Variants in FAM90A20 observed in about 807,000 individuals in gnomAD.
FAM90A20 encodes family with sequence similarity 90 member A20.
chr8:7,297,376 C>T, the FAM90A20 span: 148 of 1,498,432 alleles, frequency 9.9e-5, 10 homozygotes, highest in South Asian at 2.6e-4. Flanking sequence ...AAACCCACGG[C>T]CTGCTCCAGG....
At chr8:7,296,862 A>C in the FAM90A20 span, among the ~76,000 whole-genome samples, 1 of 136,802 alleles carries the variant, frequency 7.3e-6, no homozygotes, top group African/African-American at 3.5e-5. Context: ...GATCAGCTAC[A>C]CATAGCTCGA....
chr8:7,297,155 A>C, the FAM90A20 span: 1 of 1,530,372 alleles, frequency 6.5e-7, no homozygotes, highest in African/African-American at 2.0e-5. Context: ...AATGTCTGGC[A>C]GGGGCTCCGT....
chr8:7,297,457 C>G, the FAM90A20 span: 20,690 of 1,549,764 alleles, frequency 0.013, 2,044 homozygotes, highest in Non-Finnish European at 0.015. Flanking sequence ...CCGCCACACA[C>G]AGCTTGGGCC....
the FAM90A20 span, chr8:7,296,958 A>G: frequency 7.9e-4 from 804 of 1,019,670 alleles, 235 homozygotes; most frequent in African/African-American, 0.017. Flanking sequence ...TCGATACTGT[A>G]CTAAGAATTT....
the FAM90A20 span, among the ~76,000 whole-genome samples, chr8:7,296,873 T>G: frequency 9.2e-3 from 1,244 of 135,660 alleles, 93 homozygotes; most frequent in Non-Finnish European, 0.012. Context: ...CATAGCTCGA[T>G]AGCGCATCGT....
At chr8:7,297,737 C>T in the FAM90A20 span, 5 of 1,491,994 alleles carry the variant, frequency 3.4e-6, 1 homozygote, top group African/African-American at 4.0e-5. Flanking sequence ...CAGACCTTGC[C>T]TGCCTACTGC....
chr8:7,296,810 G>T, the FAM90A20 span, among the ~76,000 whole-genome samples: 2 of 136,250 alleles, frequency 1.5e-5, 1 homozygote, highest in Non-Finnish European at 3.0e-5. Flanking sequence ...CTTTGATCCA[G>T]TTAATGCCCA....
At chr8:7,296,533 C>G in the FAM90A20 span, 777 of 620,258 alleles carry the variant, frequency 1.3e-3, 99 homozygotes, top group South Asian at 0.012. Context: ...CTCCACGATC[C>G]TTGCAGGTCA....
At chr8:7,296,187 T>C in the FAM90A20 span, 2 of 649,584 alleles carry the variant, frequency 3.1e-6, no homozygotes, top group South Asian at 1.5e-5. Flanking sequence ...GATTTCCATT[T>C]CTGTATCACA....
chr8:7,297,797 C>T, the FAM90A20 span: 9 of 1,249,112 alleles, frequency 7.2e-6, 1 homozygote, highest in African/African-American at 7.0e-5. Flanking sequence ...TGATGGGGCC[C>T]AGCCTCTCAG....
the FAM90A20 span, chr8:7,297,766 C>G: frequency 2.1e-4 from 312 of 1,471,930 alleles, 20 homozygotes; most frequent in Non-Finnish European, 2.7e-4. Context: ...GCACCATGTC[C>G]CATCACCCAG....
chr8:7,295,735 G>A, the FAM90A20 span: 2 of 1,100,256 alleles, frequency 1.8e-6, no homozygotes, highest in Admixed American at 1.8e-5. Flanking sequence ...TGGGGAAAAA[G>A]GAAGGGAAGG....
At chr8:7,297,301 C>A in the FAM90A20 span, 3 of 1,353,610 alleles carry the variant, frequency 2.2e-6, 1 homozygote, top group Non-Finnish European at 3.1e-6. Context: ...AGACTCTCCT[C>A]GTGGTGGAGC....
chr8:7,297,603 T>C, the FAM90A20 span: 5 of 1,475,304 alleles, frequency 3.4e-6, 1 homozygote, highest in African/African-American at 8.3e-5. Flanking sequence ...GGAGGTGAGC[T>C]GGGGGCCCCG....
the FAM90A20 span, among the ~76,000 whole-genome samples, chr8:7,296,758 GCCATTA>G: frequency 5.8e-3 from 792 of 136,178 alleles, 88 homozygotes; most frequent in Admixed American, 0.014. Flanking sequence ...CCTTCGGAAA[GCCATTA>G]GTCCGTTCCA....
At chr8:7,297,507 C>A in the FAM90A20 span, 1 of 1,511,912 alleles carries the variant, frequency 6.6e-7, no homozygotes. Flanking sequence ...GCCAAGAGAC[C>A]TGCCCAGGCT....
At chr8:7,295,564 T>A in the FAM90A20 span, 2 of 671,666 alleles carry the variant, frequency 3.0e-6, 1 homozygote, top group South Asian at 3.0e-5. Flanking sequence ...TCCATCCCAA[T>A]GTTAACGTGG....
At chr8:7,295,600 C>T in the FAM90A20 span, 4 of 657,142 alleles carry the variant, frequency 6.1e-6, 1 homozygote, top group Admixed American at 2.0e-5. Context: ...CTTCAGCTCA[C>T]TCACTGACAT....
chr8:7,296,962 A>G, the FAM90A20 span: 1 of 1,077,682 alleles, frequency 9.3e-7, no homozygotes, highest in Admixed American at 2.0e-5. Context: ...TACTGTACTA[A>G]GAATTTCATG....
Sources: allele counts gnomAD v4.1 joint callset (sites outside exome capture counted in the v4.1 genomes callset), GRCh38; gene constraint gnomAD v4.1.1; transcripts MANE v1.5; gene names NCBI Gene and HGNC (gene_info 2026-07-23, HGNC 2026-07-21).